The following PNKD variants were observed in gnomAD, a reference collection of about 807,000 sequenced individuals.
The protein encoded by PNKD is probable thioesterase PNKD.
PNKD carries 36 observed loss-of-function variants against 45.3 expected under a neutral mutation model. The ratio of observed to expected loss-of-function variants is 0.80; its 90% CI spans 0.61 to 1.05. The LOEUF (loss-of-function observed/expected upper bound fraction) is 1.05. PNKD is among the 50% of genes least tolerant of loss of function. The pLI is 0.00. For synonymous variants in PNKD, 197 were observed against 210.1 expected (o/e 0.94, Z 0.54); for missense variants, 511 against 506.6 (o/e 1.01, Z -0.08).
intron 2 of PNKD, among the ~76,000 whole-genome samples, chr2:218,287,815 G>T (rs992080833): frequency 6.6e-6 from 1 of 152,168 alleles, no homozygotes; most frequent in East Asian, 1.9e-4. Context: ...CATGGAGACC[G>T]AGGGGTGGCT....
chr2:218,277,437 C>T (rs1691337240), intron 2 of PNKD: 1 of 1,614,140 alleles, frequency 6.2e-7, no homozygotes, highest in African/African-American at 1.3e-5. Flanking sequence ...ATGATGACGG[C>T]TTTGGTTTGG....
intron 1 of PNKD, 55 bp downstream of exon 1, chr2:218,270,657 C>T: frequency 1.9e-6 from 1 of 516,698 alleles, no homozygotes; most frequent in Non-Finnish European, 3.2e-6. Context: ...TTTTCTTTCA[C>T]GTCCAGCCCG....
chr2:218,341,828 G>T, intron 6 of PNKD, 153 bp from the exon 7 acceptor site: 1 of 778,556 alleles, frequency 1.3e-6, no homozygotes, highest in South Asian at 1.5e-5. Context: ...AAGGGGGAGG[G>T]TTCGGACCTG....
intron 2 of PNKD, among the ~76,000 whole-genome samples, chr2:218,335,722 C>T (rs1375969863): frequency 6.6e-6 from 1 of 152,136 alleles, no homozygotes; most frequent in Non-Finnish European, 1.5e-5. Context: ...ACCATGTGCC[C>T]AGATTGCCAA....
intron 2 of PNKD, among the ~76,000 whole-genome samples, chr2:218,272,251 G>GTTGCA (rs143834273): frequency 0.048 from 7,257 of 152,252 alleles, 564 homozygotes; most frequent in African/African-American, 0.16. Flanking sequence ...CACAGGTGCT[G>GTTGCA]TTGCAGGAAT....
chr2:218,340,947 G>A lies in PNKD; in HGVS notation c.524+161G>A. ...GGACACCAGCAGGGAGGGAGGAGAG[G>A]GGACAGTCTCCCACCACTCCATTGA... On this transcript the variant is annotated intron_variant, in intron 5 of 9. Coordinates refer to ENST00000273077, the MANE Select transcript of PNKD (RefSeq NM_015488.5). This position sits in a 1 kb window ranked among gnomAD's most constrained non-coding sequence, Gnocchi z 4.2. 1 of 693,338 alleles carries A rather than the reference G, an allele frequency of 1.4e-6. No individual in the cohort carries two copies. Among genetic ancestry groups the A allele is most frequent in the Non-Finnish European group, 2.6e-6 (1 of 379,984 alleles). 42.9% of individuals were successfully genotyped at this position (693,338 alleles called of 1,614,324 possible). A position where few individuals can be genotyped will look rare whatever the true frequency, so the allele number is the denominator to read the frequency against.
At chr2:218,281,718 T>C (rs1692018157) in intron 2 of PNKD, among the ~76,000 whole-genome samples, 1 of 152,130 alleles carries the variant, frequency 6.6e-6, no homozygotes, top group South Asian at 2.1e-4. Context: ...ACATGCCTCA[T>C]GGATCTCCTT....
chr2:218,315,053 T>TTCCTTC (rs1553667757), intron 2 of PNKD, among the ~76,000 whole-genome samples: 84 of 47,956 alleles, frequency 1.8e-3, no homozygotes, highest in Middle Eastern at 0.017. Context: ...TTTCTTTCTT[T>TTCCTTC]CTTTCTTCCT....
At chr2:218,336,983 A>G (rs1429427103) in intron 2 of PNKD, among the ~76,000 whole-genome samples, 2 of 151,776 alleles carry the variant, frequency 1.3e-5, no homozygotes, top group Non-Finnish European at 2.9e-5. Flanking sequence ...TATTTTTAGC[A>G]GAGATGGGGT....
At chr2:218,287,232 C>T (rs554447713) in intron 2 of PNKD, 1 of 152,304 alleles carries the variant, frequency 6.6e-6, no homozygotes, top group African/African-American at 2.4e-5. Flanking sequence ...ACAAGGAAAC[C>T]CCAGAGCCAA....
chr2:218,327,208 C>G (rs1477407300), intron 2 of PNKD: 2 of 152,240 alleles, frequency 1.3e-5, no homozygotes, highest in Non-Finnish European at 2.9e-5. Context: ...CCTCTCCATT[C>G]CTAGGCATAG....
intron 2 of PNKD, among the ~76,000 whole-genome samples, chr2:218,281,737 G>T (rs77010107): frequency 1.3e-5 from 2 of 152,204 alleles, no homozygotes; most frequent in African/African-American, 4.8e-5. Context: ...TTGAACAAAG[G>T]GGGCAGCAAG....
chr2:218,294,728 T>A (rs1009454411), intron 2 of PNKD, among the ~76,000 whole-genome samples: 1 of 152,184 alleles, frequency 6.6e-6, no homozygotes, highest in Admixed American at 6.5e-5. Flanking sequence ...TTTGCCCTCC[T>A]CCACCTCCCA....
intron 2 of PNKD, chr2:218,282,038 C>T: frequency 1.2e-6 from 2 of 1,607,000 alleles, no homozygotes; most frequent in Non-Finnish European, 1.7e-6. Context: ...GGCAGGATAC[C>T]CTCCTGGCAG....
chr2:218,274,768 G>C (rs1461848853), intron 2 of PNKD: 2 of 154,880 alleles, frequency 1.3e-5, no homozygotes, highest in Admixed American at 6.5e-5. Flanking sequence ...GGCCTGCTCT[G>C]TCTTATAGCG....
At chr2:218,282,454 AGAGAGG>A (rs1692116231) in intron 2 of PNKD, among the ~76,000 whole-genome samples, 2 of 152,214 alleles carry the variant, frequency 1.3e-5, no homozygotes, top group Admixed American at 1.3e-4. Context: ...TTCGCTGAGG[AGAGAGG>A]GAACCAGGGA....
chr2:218,276,124 A>ACCACAGGC (rs751664002), intron 2 of PNKD: 5 of 1,599,040 alleles, frequency 3.1e-6, no homozygotes, highest in South Asian at 2.3e-5. Context: ...ACCTCAGCAA[A>ACCACAGGC]CCACAGGCCC....
At chr2:218,299,496 G>A (rs571192130) in intron 2 of PNKD, among the ~76,000 whole-genome samples, 183 of 152,220 alleles carry the variant, frequency 1.2e-3, no homozygotes, top group African/African-American at 4.2e-3. Context: ...CCAGGCTGGA[G>A]TGCAGCGAAG....
At chr2:218,339,634 A>G (rs2106292524) in intron 2 of PNKD, 149 bp from the exon 3 acceptor site, 1 of 693,254 alleles carries the variant, frequency 1.4e-6, no homozygotes, top group African/African-American at 1.8e-5. Flanking sequence ...AAGCAGGGCA[A>G]ACAGTAGGCA....
Sources: gnomAD v4.1 joint callset for allele counts (sites outside exome capture counted in the v4.1 genomes callset) on GRCh38, gnomAD v4.1.1 for gene constraint, Gnocchi (gnomAD v3.1) non-coding constraint, MANE v1.5 for transcripts, NCBI Gene and HGNC (gene_info 2026-07-23, HGNC 2026-07-21) for gene names.